Variants in PHRF1 observed in about 807,000 individuals in gnomAD.
PHRF1 encodes PHD and RING finger domain-containing protein 1.
PHRF1 carries 53 observed loss-of-function variants against 128.9 expected under a neutral mutation model. The ratio of observed to expected loss-of-function variants is 0.41; its 90% confidence interval spans 0.33 to 0.52. The LOEUF is 0.52. Among genes scored for constraint, PHRF1 ranks in the 20% least tolerant of loss-of-function variants. PHRF1 has a pLI of 0.21. For missense variants in PHRF1, 2,503 were observed against 2,284.5 expected (o/e 1.10, Z -1.95); for synonymous variants, 1,178 against 980.6 (o/e 1.20, Z -3.76).
Position 609,627 on chromosome 11 carries a change from A to AC in PHRF1, c.4177dup (p.Leu1393ProfsTer315), listed in dbSNP as rs1296779022. The stretch of plus-strand genomic sequence containing the variant: ...CCGGCCTGAGGAGGTGGTTTCGCAG[A>AC]CCCCCCTGCTGCGGTCCAGAGCCCT... On this transcript the variant is annotated frameshift_variant, in exon 14 of 18. Coordinates refer to ENST00000264555, the MANE Select transcript of PHRF1 (RefSeq NM_001286581.2). LOFTEE classifies it high-confidence loss of function. The AC allele has an allele frequency of 6.3e-7, 1 of 1,580,354 alleles. No individual in the cohort carries two copies. The highest frequency in any genetic ancestry group is 1.8e-5 in the Admixed American group (1 of 55,256).
At chr11:589,367 C>G (rs1205266472) in intron 4 of PHRF1, among the ~76,000 whole-genome samples, 1 of 152,180 alleles carries the variant, frequency 6.6e-6, no homozygotes, top group Non-Finnish European at 1.5e-5. Flanking sequence ...TCCTTCCCAG[C>G]AGGAGTTCAG....
At chr11:599,481 C>T (rs1302464551) in intron 9 of PHRF1, among the ~76,000 whole-genome samples, 8 of 152,140 alleles carry the variant, frequency 5.3e-5, no homozygotes, top group South Asian at 2.1e-4. Context: ...GAACTCCCGA[C>T]CTCAGGTGAT....
chr11:581,485 C>G lies in PHRF1; in HGVS notation c.-21-7C>G, dbSNP rs375877707. 1 of 1,611,440 alleles carries G rather than the reference C, an allele frequency of 6.2e-7. No homozygotes were observed. The highest frequency in any genetic ancestry group is 8.5e-7 in the Non-Finnish European group (1 of 1,178,832). ...TTTGGAAGTTGCTTGGCTCTTCTTTCTTTCAGAGCTGAGCTCAATGTGCAG... is the reference window on the plus strand; with the variant it reads ...TTTGGAAGTTGCTTGGCTCTTCTTTGTTTCAGAGCTGAGCTCAATGTGCAG... On this transcript the variant is annotated splice_polypyrimidine_tract_variant and splice_region_variant and intron_variant, in intron 1 of 17. Coordinates refer to ENST00000264555, the MANE Select transcript of PHRF1 (RefSeq NM_001286581.2).
In PHRF1 at chr11:608,178, G is replaced by A; in HGVS notation, c.2722G>A (p.Ala908Thr). Residue 908 changes from alanine (A) to threonine (T), a missense_variant, in exon 14 of 18, where the codon GCA becomes ACA. Physicochemically the swap from Ala to Thr is moderately conservative, Grantham distance 58. Transcript: ENST00000264555. ...PSSAMSKLRG[A>T]VAAEGASDTE... is the part of the protein sequence containing the mutation. Reference sequence around the variant, plus strand: ...CTCCGCCATGTCCAAGCTCCGGGGTGCAGTGGCTGCCGAGGGGGCCTCTGA... The same window carrying A: ...CTCCGCCATGTCCAAGCTCCGGGGTACAGTGGCTGCCGAGGGGGCCTCTGA... The A allele has an allele frequency of 6.2e-7, 1 of 1,610,268 alleles. No homozygotes were observed. Among genetic ancestry groups the A allele is most frequent in the South Asian group, 1.1e-5 (1 of 91,080 alleles).
chr11:598,514 G>T lies in PHRF1; in HGVS notation c.1024+12G>T. 4.4e-6 allele frequency: 7 copies of T among 1,604,014 alleles called. No individual in the cohort carries two copies. The highest frequency in any genetic ancestry group is 5.9e-6 in the Non-Finnish European group (7 of 1,177,524). ...GAAGAGGAAGACAAGTAAGCCTGAA[G>T]GGATGGACTCTCCCGCCAGCCACAG... On this transcript the variant is annotated intron_variant, in intron 9 of 17. Coordinates refer to ENST00000264555, the MANE Select transcript of PHRF1 (RefSeq NM_001286581.2).
At position 601,708 on chromosome 11, in the gene PHRF1, A is replaced by G. The variant is rs1855637480; in HGVS notation, c.1152+7A>G. Reference sequence around the variant, plus strand: ...AAGAGGGAAGAAGGTAAAGGTGAGCATTGGGTGGCAGGGCCTGAGTCTCCT... The same window carrying G: ...AAGAGGGAAGAAGGTAAAGGTGAGCGTTGGGTGGCAGGGCCTGAGTCTCCT... On this transcript the variant is annotated splice_region_variant and intron_variant, in intron 10 of 17. Transcript: ENST00000264555. The G allele has an allele frequency of 6.2e-7, 1 of 1,613,672 alleles. No homozygotes were observed.
chr11:608,937 C>A lies in PHRF1; in HGVS notation c.3481C>A (p.Arg1161=). 1 of 1,611,196 alleles carries A rather than the reference C, an allele frequency of 6.2e-7. No individual in the cohort carries two copies. The change falls in exon 14 of 18, where the codon CGG becomes AGG. Residue 1161 remains arginine (R), a synonymous_variant. Coordinates refer to ENST00000264555, the MANE Select transcript of PHRF1 (RefSeq NM_001286581.2). ...GGCGTGGCCCCGAGACCGGAGGAAG[C>A]GGAGGTCCCGGTCCCCAAGCTCGGA... ...SVAWPRDRRK[R]RSRSPSSEHR...
intron 6 of PHRF1, among the ~76,000 whole-genome samples, chr11:594,807 T>C (rs1463887750): frequency 6.6e-6 from 1 of 152,234 alleles, no homozygotes; most frequent in Non-Finnish European, 1.5e-5. Context: ...GTTTACAGCT[T>C]AATTAAAATT....
At chr11:591,028 C>T (rs766719889) in intron 4 of PHRF1, among the ~76,000 whole-genome samples, 32 of 152,182 alleles carry the variant, frequency 2.1e-4, no homozygotes, top group Non-Finnish European at 3.2e-4. Flanking sequence ...TAAAAATTTA[C>T]TAGTGAATGT....
Position 606,445 on chromosome 11 carries a change from G to A in PHRF1, c.1458G>A (p.Arg486=), listed in dbSNP as rs1855945570. Residue 486 remains arginine (R), a synonymous_variant, in exon 13 of 18, where the codon AGG becomes AGA. Coordinates refer to ENST00000264555, the MANE Select transcript of PHRF1 (RefSeq NM_001286581.2). ...GGCCTTGGGTCTGTGCCCACAGGAGGCGCCTCCCTGCCGCGGTGCCAGAGC... is the reference window on the plus strand; with the variant it reads ...GGCCTTGGGTCTGTGCCCACAGGAGACGCCTCCCTGCCGCGGTGCCAGAGC... The part of the protein sequence containing the change: ...ARPVSVGLSR[R]RLPAAVPEPD... 2 of 1,548,094 alleles carry A rather than the reference G, an allele frequency of 1.3e-6. No individual in the cohort carries two copies. Among genetic ancestry groups the A allele is most frequent in the Non-Finnish European group, 1.7e-6 (2 of 1,152,374 alleles).
chr11:586,879 T>G (rs536271896), intron 3 of PHRF1, among the ~76,000 whole-genome samples: 2 of 152,144 alleles, frequency 1.3e-5, no homozygotes, highest in East Asian at 3.9e-4. Flanking sequence ...AGGGGGCTGC[T>G]GCACTGAGGG....
In PHRF1 at chr11:597,290, C is replaced by T. The variant is rs1855343800; in HGVS notation, c.719-105C>T. 1 of 1,409,542 alleles carries T rather than the reference C, an allele frequency of 7.1e-7. No homozygotes were observed. The highest frequency in any genetic ancestry group is 9.6e-7 in the Non-Finnish European group (1 of 1,041,730). 87.3% of individuals were successfully genotyped at this position (1,409,542 alleles called of 1,614,324 possible). A position where few individuals can be genotyped will look rare whatever the true frequency, so the allele number is the denominator to read the frequency against. The stretch of plus-strand genomic sequence containing the variant: ...GCAGCCCTGGGTCCTGTGCACAGGT[C>T]AGCCCGAGCCAGGGCTGCTACTTGG... On this transcript the variant is annotated intron_variant, in intron 7 of 17. Transcript: ENST00000264555. This position sits in a 1 kb window ranked among gnomAD's most constrained non-coding sequence, Gnocchi z 6.5.
intron 1 of PHRF1, 50 bp from the exon 2 acceptor site, chr11:581,442 C>T: frequency 1.9e-6 from 3 of 1,550,164 alleles, no homozygotes; most frequent in Non-Finnish European, 2.7e-6. Flanking sequence ...TCAGAGGGTT[C>T]TTTGCAGCCT....
chr11:610,253 T>C lies in PHRF1; in HGVS notation c.4322T>C (p.Val1441Ala). The C allele has an allele frequency of 6.4e-7, 1 of 1,554,722 alleles. No homozygotes were observed. Among genetic ancestry groups the C allele is most frequent in the African/African-American group, 1.4e-5 (1 of 73,356 alleles). The change falls in exon 15 of 18, where the codon GTG (valine) becomes GCG (alanine). Residue 1441 changes from valine to alanine, a missense_variant. Val to Ala is a moderately conservative substitution (Grantham distance 64). Coordinates refer to ENST00000264555, the MANE Select transcript of PHRF1 (RefSeq NM_001286581.2). Reference protein sequence around the residue: ...PREGAWDMEDVAPTGVRQVFS... With the variant: ...PREGAWDMEDAAPTGVRQVFS... ...GAAGGAGCCTGGGACATGGAGGATG[T>C]GGCCCCCACAGGGGTCAGGCAGGTG...
intron 4 of PHRF1, among the ~76,000 whole-genome samples, chr11:589,893 G>A (rs1397405224): frequency 6.7e-6 from 1 of 149,946 alleles, no homozygotes; most frequent in African/African-American, 2.5e-5. Flanking sequence ...GTCTGCAAAC[G>A]GGCATGGAGC....
At chr11:591,237 C>T (rs1854951821) in intron 4 of PHRF1, 147 bp from the exon 5 acceptor site, 2 of 716,718 alleles carry the variant, frequency 2.8e-6, no homozygotes, top group Admixed American at 5.5e-5. Flanking sequence ...TCGCTGTGCT[C>T]CCTCCACTGC....
chr11:603,725 G>GTTTTTTTTTTTTTTT (rs1233128066), intron 10 of PHRF1, among the ~76,000 whole-genome samples: 1 of 103,282 alleles, frequency 9.7e-6, no homozygotes, highest in African/African-American at 4.3e-5. Flanking sequence ...CCATATTTAA[G>GTTTTTTTTTTTTTTT]TTTGTTTTTT....
chr11:607,231 C>G lies in PHRF1; in HGVS notation c.1775C>G (p.Pro592Arg). 6.2e-7 allele frequency: 1 copy of G among 1,612,352 alleles called. No individual in the cohort carries two copies. Residue 592 changes from proline to arginine, a missense_variant, in exon 14 of 18, where the codon CCC becomes CGC. Physicochemically the swap from Pro to Arg is moderately radical, Grantham distance 103. Coordinates refer to ENST00000264555, the MANE Select transcript of PHRF1 (RefSeq NM_001286581.2). ...GLSCQGRSRT[P>R]ARTAGAPVRL... ...AGCTGTCAAGGCAGGTCCCGCACCC[C>G]CGCCCGCACCGCGGGGGCGCCTGTG... is the stretch of plus-strand genomic sequence containing the variant.
chr11:606,945 C>T, intron 13 of PHRF1, 121 bp from the exon 14 acceptor site: 14 of 1,439,098 alleles, frequency 9.7e-6, no homozygotes, highest in Non-Finnish European at 1.2e-5. Context: ...TCCACCTCAA[C>T]AGGCAGACAG....
Sources: allele counts gnomAD v4.1 joint callset (sites outside exome capture counted in the v4.1 genomes callset), GRCh38; gene constraint gnomAD v4.1.1; non-coding constraint Gnocchi (gnomAD v3.1); transcripts MANE v1.5; gene names NCBI Gene and HGNC (gene_info 2026-07-23, HGNC 2026-07-21).